CDH18: variants seen among roughly 807,000 people sequenced by gnomAD.
CDH18 encodes cadherin 18, also known as cadherin-18.
Under a neutral mutation model 67.9 loss-of-function variants are expected in CDH18, and 31 were observed. The observed-to-expected ratio is 0.46, with a 90% CI of 0.34 to 0.62. The LOEUF is 0.62. CDH18 is among the 20% of genes least tolerant of loss of function. The pLI, the probability that CDH18 is intolerant of heterozygous loss-of-function variation, is 0.01. For synonymous variants in CDH18, 362 were observed against 347.2 expected (o/e 1.04, Z -0.48); for missense variants, 890 against 975.5 (o/e 0.91, Z 1.17).
intron 7 of CDH18, among the ~76,000 whole-genome samples, chr5:19,576,259 C>T (rs1197293715): frequency 1.3e-5 from 2 of 151,964 alleles, no homozygotes; most frequent in Non-Finnish European, 2.9e-5. Context: ...AATGATCAAA[C>T]TAAAGAGCTT....
intron 1 of CDH18, among the ~76,000 whole-genome samples, chr5:20,548,013 G>T (rs1757433747): frequency 6.6e-6 from 1 of 151,034 alleles, no homozygotes; most frequent in Admixed American, 6.6e-5. Context: ...TCAGTAAGTA[G>T]AAAATATATA....
intron 9 of CDH18, among the ~76,000 whole-genome samples, chr5:19,540,136 G>T (rs1446911801): frequency 6.6e-6 from 1 of 152,026 alleles, no homozygotes; most frequent in African/African-American, 2.4e-5. Flanking sequence ...ATTCCAAATG[G>T]GAAAAATTGG....
At chr5:19,919,192 T>C (rs1911856) in intron 2 of CDH18, among the ~76,000 whole-genome samples, 139,071 of 152,148 alleles carry the variant, frequency 0.91, 63,721 homozygotes, top group South Asian at 0.98. Context: ...CTCACAAGCG[T>C]CTGTGCACAG....
intron 1 of CDH18, among the ~76,000 whole-genome samples, chr5:20,496,423 C>T (rs534156421): frequency 4.0e-5 from 6 of 151,836 alleles, no homozygotes; most frequent in Non-Finnish European, 8.8e-5. Flanking sequence ...TTAATGTCTG[C>T]CAATCCAAAA....
chr5:20,232,079 C>T (rs1298312944), intron 2 of CDH18, among the ~76,000 whole-genome samples: 4 of 151,824 alleles, frequency 2.6e-5, no homozygotes, highest in Non-Finnish European at 2.9e-5. Flanking sequence ...GCAAAACAAG[C>T]GAAGCAATTC....
intron 2 of CDH18, among the ~76,000 whole-genome samples, chr5:19,911,243 G>T (rs1263348325): frequency 6.6e-6 from 1 of 152,134 alleles, no homozygotes; most frequent in Non-Finnish European, 1.5e-5. Flanking sequence ...TGAGCATGCT[G>T]ATCTGATTCT....
rs11272126 is a variant in CDH18 at position 20,256,933 on chromosome 5, G to GTATCTATC, written c.-579-1436_-579-1429dup. 6.4e-3 allele frequency among the ~76,000 whole-genome samples: 778 copies of GTATCTATC among 120,840 alleles called. 6 individuals carry two copies. Among genetic ancestry groups the GTATCTATC allele is most frequent in the African/African-American group, 0.024 (719 of 30,276 alleles). The allele number at this position is 120,840 out of a possible 152,430, so 79.3% of individuals were successfully genotyped here. Reference sequence around the variant, plus strand: ...AAACGAGATTTGTAGTAGCTTGGTGGTATCTATCTATCTATCTATCTATCT... The same window carrying GTATCTATC: ...AAACGAGATTTGTAGTAGCTTGGTGGTATCTATCTATCTATCTATCTATCTATCTATCT... On this transcript the variant is annotated intron_variant, in intron 1 of 14. Transcript: ENST00000507958.
At chr5:19,915,518 C>G (rs1214966513) in intron 2 of CDH18, among the ~76,000 whole-genome samples, 1 of 152,012 alleles carries the variant, frequency 6.6e-6, no homozygotes, top group Non-Finnish European at 1.5e-5. Flanking sequence ...TGACTGGAAG[C>G]CTTCCTGATA....
At chr5:19,753,824 C>T (rs978597493) in intron 3 of CDH18, among the ~76,000 whole-genome samples, 3 of 152,188 alleles carry the variant, frequency 2.0e-5, no homozygotes, top group African/African-American at 7.2e-5. Flanking sequence ...GCTGTATCTT[C>T]AGCTTCCTCA....
chr5:19,685,430 C>T (rs920573929), intron 5 of CDH18, among the ~76,000 whole-genome samples: 1 of 152,186 alleles, frequency 6.6e-6, no homozygotes, highest in Non-Finnish European at 1.5e-5. Context: ...CTGTTGTTCT[C>T]ATTTCCAGCC....
chr5:19,634,477 T>A (rs1752832765), intron 5 of CDH18, among the ~76,000 whole-genome samples: 1 of 152,182 alleles, frequency 6.6e-6, no homozygotes, highest in African/African-American at 2.4e-5. Flanking sequence ...AAGGCTATTA[T>A]AAAGATTAAA....
At chr5:20,172,212 A>ATATG (rs1554098742) in intron 2 of CDH18, among the ~76,000 whole-genome samples, 1 of 50,710 alleles carries the variant, frequency 2.0e-5, no homozygotes, top group Non-Finnish European at 3.8e-5. Context: ...ATATATATAT[A>ATATG]TATATATATA....
intron 3 of CDH18, among the ~76,000 whole-genome samples, chr5:19,807,815 T>A (rs980577323): frequency 6.6e-6 from 1 of 152,166 alleles, no homozygotes; most frequent in Non-Finnish European, 1.5e-5. Context: ...ACTGTGTATG[T>A]AGTAAGTTTT....
At chr5:20,367,302 G>A (rs1348008987) in intron 1 of CDH18, among the ~76,000 whole-genome samples, 1 of 152,024 alleles carries the variant, frequency 6.6e-6, no homozygotes, top group Admixed American at 6.6e-5. Context: ...ATCAATCTTG[G>A]CCAAACCTCA....
chr5:19,894,031 A>C (rs1420006233), intron 2 of CDH18, among the ~76,000 whole-genome samples: 1 of 152,148 alleles, frequency 6.6e-6, no homozygotes. Context: ...AAAATTATTT[A>C]TCTTAAAATA....
At chr5:20,014,077 A>T (rs989339790) in intron 2 of CDH18, among the ~76,000 whole-genome samples, 4 of 152,164 alleles carry the variant, frequency 2.6e-5, no homozygotes, top group Non-Finnish European at 5.9e-5. Context: ...ACTTATAGAA[A>T]ATAAGAATAG....
intron 2 of CDH18, among the ~76,000 whole-genome samples, chr5:20,055,801 T>G (rs549315183): frequency 6.6e-6 from 1 of 152,240 alleles, no homozygotes; most frequent in East Asian, 1.9e-4. Flanking sequence ...CATTTACATT[T>G]TCATTGTTAT....
chr5:20,438,913 T>C (rs1240294447), intron 1 of CDH18, among the ~76,000 whole-genome samples: 3 of 151,518 alleles, frequency 2.0e-5, no homozygotes, highest in Non-Finnish European at 4.4e-5. Context: ...TACAAAATCA[T>C]TTGTAAAATG....
At chr5:19,579,179 C>A (rs1207227121) in intron 7 of CDH18, among the ~76,000 whole-genome samples, 1 of 151,870 alleles carries the variant, frequency 6.6e-6, no homozygotes, top group East Asian at 1.9e-4. Context: ...CTCTACAATT[C>A]TGTTTATAGA....
Sources: gnomAD v4.1 joint callset for allele counts (sites outside exome capture counted in the v4.1 genomes callset) on GRCh38, gnomAD v4.1.1 for gene constraint, MANE v1.5 for transcripts, NCBI Gene and HGNC (gene_info 2026-07-23, HGNC 2026-07-21) for gene names.